Variants in PAAF1 observed in about 807,000 individuals in gnomAD.
The protein encoded by PAAF1 is proteasomal ATPase associated factor 1.
Under a neutral mutation model 52.8 loss-of-function variants are expected in PAAF1, and 46 were observed. That is an observed-to-expected ratio of 0.87 (90% CI 0.69 to 1.11). PAAF1 has a LOEUF of 1.11. Ranked by LOEUF, PAAF1 falls within the 50% of genes most tolerant of loss-of-function variation. The pLI, the probability that PAAF1 is intolerant of heterozygous loss-of-function variation, is 0.00. For synonymous variants in PAAF1, 178 were observed against 172.8 expected, an observed-to-expected ratio of 1.03 and a Z score of -0.24; for missense variants, 424 against 477.4, an observed-to-expected ratio of 0.89 and a Z score of 1.04.
Position 73,927,550 on chromosome 11 carries a change from A to G in PAAF1, c.*188A>G, listed in dbSNP as rs1950396981. 2 of 606,302 alleles carry G rather than the reference A, an allele frequency of 3.3e-6. No individual in the cohort carries two copies. Among genetic ancestry groups the G allele is most frequent in the African/African-American group, 3.7e-5 (2 of 54,138 alleles). 37.6% of individuals were successfully genotyped at this position (606,302 alleles called of 1,614,324 possible). On this transcript the variant is annotated 3_prime_UTR_variant, in exon 12 of 12. Transcript: ENST00000310571. ...CAAGACCTACTTTGAACTGAGTAAG[A>G]AGGTCATTGTGCCCACTGCATTTGT...
chr11:73,903,801 T>C (rs1228490461), intron 6 of PAAF1, among the ~76,000 whole-genome samples: 1 of 146,776 alleles, frequency 6.8e-6, no homozygotes, highest in East Asian at 2.1e-4. Context: ...TAAAAAAAAT[T>C]GGCCGGGCGC....
intron 6 of PAAF1, among the ~76,000 whole-genome samples, chr11:73,908,026 C>T (rs573187978): frequency 2.6e-5 from 4 of 152,120 alleles, no homozygotes; most frequent in African/African-American, 9.6e-5. Flanking sequence ...TGGTCCACCA[C>T]CTTCTTTCCA....
chr11:73,877,153 A>T (rs542241943), intron 1 of PAAF1, 85 bp downstream of exon 1: 5 of 1,355,084 alleles, frequency 3.7e-6, no homozygotes, highest in Non-Finnish European at 4.9e-6. Flanking sequence ...GGTCCAGGAT[A>T]TCAATAGGGG....
rs141120299 is a variant in PAAF1, at chr11:73,904,091, A to G, written c.532+3671A>G. ...AGAGCGAGACTCCGTCTCAAAAAAA[A>G]AAAAAGTATATATATATACATAAAT... is the stretch of plus-strand genomic sequence containing the variant. On this transcript the variant is annotated intron_variant, in intron 6 of 11. Transcript: ENST00000310571. 1.2e-4 allele frequency among the ~76,000 whole-genome samples: 18 copies of G among 152,134 alleles called. No homozygotes were observed. The East Asian group carries it at 3.3e-3, about 28-fold the overall frequency.
At chr11:73,880,029 G>A (rs1439772404) in intron 2 of PAAF1, 1 of 152,074 alleles carries the variant, frequency 6.6e-6, no homozygotes, top group East Asian at 1.9e-4. Context: ...CTTGAGACCA[G>A]CCTGGGAGAC....
chr11:73,883,282 C>G (rs907597011), intron 2 of PAAF1, among the ~76,000 whole-genome samples: 1 of 152,058 alleles, frequency 6.6e-6, no homozygotes, highest in South Asian at 2.1e-4. Flanking sequence ...TAAATAACAG[C>G]TTTATTGAGA....
At chr11:73,914,296 T>C (rs1950005763) in intron 7 of PAAF1, 117 bp from the exon 8 acceptor site, 1 of 787,516 alleles carries the variant, frequency 1.3e-6, no homozygotes, top group Non-Finnish European at 2.1e-6. Flanking sequence ...ATAAATGTTT[T>C]CTTTGTAATA....
At chr11:73,922,833 AAAG>A (rs200566678) in intron 10 of PAAF1, among the ~76,000 whole-genome samples, 1,597 of 151,556 alleles carry the variant, frequency 0.011, 17 homozygotes, top group Middle Eastern at 0.034. Context: ...AAAAAAAAAA[AAAG>A]AAGTTGGATA....
At chr11:73,909,866 C>T (rs544501358) in intron 7 of PAAF1, among the ~76,000 whole-genome samples, 2 of 152,286 alleles carry the variant, frequency 1.3e-5, no homozygotes, top group South Asian at 4.1e-4. Flanking sequence ...GATCTTTTGG[C>T]TTCCCTGGGC....
chr11:73,908,866 G>A (rs1257718411), intron 6 of PAAF1, among the ~76,000 whole-genome samples: 4 of 151,536 alleles, frequency 2.6e-5, no homozygotes, highest in Non-Finnish European at 4.4e-5. Context: ...TCGGGTCACT[G>A]CAACCTACGC....
At chr11:73,897,529 C>T (rs1949440983) in intron 4 of PAAF1, among the ~76,000 whole-genome samples, 2 of 150,222 alleles carry the variant, frequency 1.3e-5, no homozygotes, top group South Asian at 4.2e-4. Context: ...AGAGGTGCTC[C>T]CCACATCTCA....
rs146255488 is a variant in PAAF1 at position 73,910,848 on chromosome 11, G to A, written c.727+1255G>A. On this transcript the variant is annotated intron_variant, in intron 7 of 11. Coordinates refer to ENST00000310571, the MANE Select transcript of PAAF1 (RefSeq NM_025155.3). Reference sequence around the variant, plus strand: ...TACTAAAAATACAAAAAATTAGTTGGGTGTGGTAGTGTGTGCATGTAATCC... The same window carrying A: ...TACTAAAAATACAAAAAATTAGTTGAGTGTGGTAGTGTGTGCATGTAATCC... Among the ~76,000 whole-genome samples, 31 of 152,038 alleles carry A rather than the reference G, an allele frequency of 2.0e-4. 1 individual carries two copies. In the East Asian group the frequency reaches 4.6e-3, roughly 23 times the overall value.
At chr11:73,887,670 G>T (rs905269610) in intron 3 of PAAF1, among the ~76,000 whole-genome samples, 2 of 152,138 alleles carry the variant, frequency 1.3e-5, no homozygotes, top group African/African-American at 4.8e-5. Flanking sequence ...CCTTATATCA[G>T]CTCTGATAAT....
chr11:73,891,406 T>A (rs560338518), intron 4 of PAAF1, among the ~76,000 whole-genome samples: 1 of 152,332 alleles, frequency 6.6e-6, no homozygotes, highest in South Asian at 2.1e-4. Context: ...ATCTACTCAC[T>A]GGTCATCTTA....
At chr11:73,894,858 C>T (rs1443550487) in intron 4 of PAAF1, among the ~76,000 whole-genome samples, 1 of 151,982 alleles carries the variant, frequency 6.6e-6, no homozygotes, top group East Asian at 1.9e-4. Context: ...GTAGTGTGTG[C>T]CTGTAGTCCC....
intron 6 of PAAF1, among the ~76,000 whole-genome samples, chr11:73,902,585 T>G: frequency 6.6e-6 from 1 of 152,248 alleles, no homozygotes; most frequent in Non-Finnish European, 1.5e-5. Context: ...TTTGGATCAC[T>G]GCAATTATTG....
chr11:73,892,665 T>G (rs1292087604), intron 4 of PAAF1, among the ~76,000 whole-genome samples: 1 of 151,866 alleles, frequency 6.6e-6, no homozygotes, highest in African/African-American at 2.4e-5. Flanking sequence ...TTGTTTTGTT[T>G]TGTTTTTGTT....
At chr11:73,886,537 G>C (rs1212141983) in intron 2 of PAAF1, among the ~76,000 whole-genome samples, 1 of 151,892 alleles carries the variant, frequency 6.6e-6, no homozygotes, top group Non-Finnish European at 1.5e-5. Flanking sequence ...TAGCCGACAT[G>C]GTGGCGGGTG....
chr11:73,899,357 C>A, intron 5 of PAAF1, 113 bp downstream of exon 5: 1 of 643,684 alleles, frequency 1.6e-6, no homozygotes, highest in South Asian at 2.0e-5. Context: ...GACCACTCTG[C>A]ATGTCAGTTG....
Sources: allele counts gnomAD v4.1 joint callset (sites outside exome capture counted in the v4.1 genomes callset), GRCh38; gene constraint gnomAD v4.1.1; transcripts MANE v1.5; gene names NCBI Gene and HGNC (gene_info 2026-07-23, HGNC 2026-07-21).